NUMB: variants seen among roughly 807,000 people sequenced by gnomAD.
NUMB encodes protein numb homolog.
Under a neutral mutation model 59.7 loss-of-function variants are expected in NUMB, and 29 were observed. The observed-to-expected ratio is 0.49, with a 90% CI of 0.36 to 0.66. NUMB has a LOEUF of 0.66. Ranked by LOEUF, NUMB falls within the 30% of genes least tolerant of loss-of-function variation. The pLI, the probability that NUMB is intolerant of heterozygous loss-of-function variation, is 0.00. For synonymous variants in NUMB, 288 were observed against 288.2 expected, an observed-to-expected ratio of 1.00 and a Z score of 0.01; for missense variants, 723 against 822.0, an observed-to-expected ratio of 0.88 and a Z score of 1.47.
chr14:73,390,197 T>C (rs920608926), intron 2 of NUMB, among the ~76,000 whole-genome samples: 7 of 152,176 alleles, frequency 4.6e-5, no homozygotes, highest in African/African-American at 1.7e-4. Context: ...AGCTTAATTA[T>C]CAAAAAATGG....
chr14:73,302,654 C>T (rs112575160), intron 6 of NUMB, among the ~76,000 whole-genome samples: 6 of 151,698 alleles, frequency 4.0e-5, no homozygotes, highest in Non-Finnish European at 5.9e-5. Flanking sequence ...TCAGGTGATC[C>T]GCCCACTTTA....
chr14:73,428,547 G>T (rs766723075), intron 1 of NUMB, among the ~76,000 whole-genome samples: 3 of 152,090 alleles, frequency 2.0e-5, no homozygotes, highest in Non-Finnish European at 2.9e-5. Context: ...TAATCCCAGC[G>T]CTTTAGAAGG....
intron 2 of NUMB, among the ~76,000 whole-genome samples, chr14:73,401,731 A>G (rs1896428417): frequency 6.6e-6 from 1 of 151,536 alleles, no homozygotes; most frequent in African/African-American, 2.4e-5. Flanking sequence ...CACCACGCCC[A>G]GCTAATTTTC....
chr14:73,448,203 A>G (rs1376809879), intron 1 of NUMB, among the ~76,000 whole-genome samples: 1 of 152,212 alleles, frequency 6.6e-6, no homozygotes, highest in Non-Finnish European at 1.5e-5. Context: ...CCAATGCTAG[A>G]TAATTTTCAA....
intron 4 of NUMB, among the ~76,000 whole-genome samples, chr14:73,324,691 T>G (rs1297971361): frequency 6.6e-6 from 1 of 152,074 alleles, no homozygotes; most frequent in East Asian, 1.9e-4. Flanking sequence ...CTACACCCTG[T>G]CCTTCCCACT....
In NUMB at chr14:73,370,125, TG is replaced by T. The variant is rs151110731; in HGVS notation, c.-100-3145del. Reference sequence around the variant, plus strand: ...AATCTAATTGTTATTGTAATGGTAGTGGGGGGGGTGGGACCATTAAGAGATA... The same window carrying T: ...AATCTAATTGTTATTGTAATGGTAGTGGGGGGGTGGGACCATTAAGAGATA... On this transcript the variant is annotated intron_variant, in intron 2 of 12. Transcript: ENST00000555238. Among the ~76,000 whole-genome samples the T allele has an allele frequency of 3.9e-4, 58 of 150,562 alleles. 1 individual carries two copies. The highest frequency in any genetic ancestry group is 1.3e-3 in the African/African-American group (55 of 40,970).
At chr14:73,405,788 G>GT (rs75689542) in intron 2 of NUMB, among the ~76,000 whole-genome samples, 35,678 of 151,662 alleles carry the variant, frequency 0.24, 5,115 homozygotes, top group East Asian at 0.68. Context: ...GTTGTTTTGG[G>GT]TTTTTTTTCT....
chr14:73,312,508 G>A (rs913493002), intron 6 of NUMB, among the ~76,000 whole-genome samples: 3 of 150,814 alleles, frequency 2.0e-5, no homozygotes, highest in Non-Finnish European at 4.4e-5. Context: ...GACCTCAGGT[G>A]TTTGAGACCA....
At chr14:73,307,368 GT>G (rs1385985880) in intron 6 of NUMB, among the ~76,000 whole-genome samples, 4 of 151,872 alleles carry the variant, frequency 2.6e-5, no homozygotes, top group African/African-American at 7.3e-5. Flanking sequence ...GGGGAGAGTG[GT>G]GTTTGGATTT....
chr14:73,284,257 G>A lies in NUMB; in HGVS notation c.773C>T (p.Pro258Leu), dbSNP rs1346754999. 4 of 1,614,058 alleles carry A rather than the reference G, an allele frequency of 2.5e-6. No individual in the cohort carries two copies. The Admixed American group carries it at 5.0e-5, about 20-fold the overall frequency. ...AGCATGCCGGCGTGGGATGGCATGAGGATTGTTCATCTCCAGAGAGGTCGT... is the reference window on the plus strand; with the variant it reads ...AGCATGCCGGCGTGGGATGGCATGAAGATTGTTCATCTCCAGAGAGGTCGT... ...DATTSLEMNN[P>L]HAIPRRHAPI... Residue 258 changes from proline (P) to leucine (L), a missense_variant, in exon 10 of 13, where the codon CCT (proline) becomes CTT (leucine). Coordinates refer to ENST00000555238, the MANE Select transcript of NUMB (RefSeq NM_001005743.2).
At chr14:73,411,732 ATTAAAG>A (rs1207760281) in intron 1 of NUMB, among the ~76,000 whole-genome samples, 1 of 152,184 alleles carries the variant, frequency 6.6e-6, no homozygotes, top group African/African-American at 2.4e-5. Context: ...TTTTACAGAA[ATTAAAG>A]TTATAGTAGC....
intron 11 of NUMB, among the ~76,000 whole-genome samples, chr14:73,279,938 C>T (rs1225205921): frequency 2.0e-5 from 3 of 152,220 alleles, no homozygotes; most frequent in East Asian, 1.9e-4. Flanking sequence ...GGGTGGATCA[C>T]CTGAGGTCAG....
intron 1 of NUMB, among the ~76,000 whole-genome samples, chr14:73,452,300 C>T (rs138979762): frequency 3.3e-5 from 5 of 152,210 alleles, no homozygotes; most frequent in African/African-American, 7.2e-5. Context: ...GTGGAGGTTG[C>T]GGTGAGCTAA....
intron 4 of NUMB, among the ~76,000 whole-genome samples, chr14:73,338,200 T>C (rs1055259837): frequency 2.6e-5 from 4 of 151,402 alleles, no homozygotes; most frequent in African/African-American, 9.7e-5. Flanking sequence ...GGCAAGAAGA[T>C]CACTTGAGCT....
chr14:73,417,645 T>C (rs745634919), intron 1 of NUMB, among the ~76,000 whole-genome samples: 1 of 152,008 alleles, frequency 6.6e-6, no homozygotes, highest in South Asian at 2.1e-4. Flanking sequence ...AAATTAAACA[T>C]AGAATCACTA....
At position 73,352,538 on chromosome 14, in the gene NUMB, T is replaced by G. The variant is rs1342827833; in HGVS notation, c.126+3088A>C. Among the ~76,000 whole-genome samples the G allele has an allele frequency of 4.1e-4, 32 of 77,278 alleles. 1 individual carries two copies. The highest frequency in any genetic ancestry group is 9.3e-4 in the South Asian group (2 of 2,148). 50.7% of individuals were successfully genotyped at this position (77,278 alleles called of 152,430 possible). A position where few individuals can be genotyped will look rare whatever the true frequency, so the allele number is the denominator to read the frequency against. ...TATATATATATATATATGTTTTTTT[T>G]TTTTTTTTTTTTTTGAGACAGAGTC... On this transcript the variant is annotated intron_variant, in intron 4 of 12. Coordinates refer to ENST00000555238, the MANE Select transcript of NUMB (RefSeq NM_001005743.2).
chr14:73,388,135 C>G (rs1340259459), intron 2 of NUMB, among the ~76,000 whole-genome samples: 1 of 152,034 alleles, frequency 6.6e-6, no homozygotes, highest in Non-Finnish European at 1.5e-5. Flanking sequence ...ACTTCAGTTC[C>G]TCAAACTAGC....
chr14:73,452,685 A>G (rs1884070805), intron 1 of NUMB, among the ~76,000 whole-genome samples: 1 of 152,152 alleles, frequency 6.6e-6, no homozygotes, highest in African/African-American at 2.4e-5. Context: ...TCCACTGGAG[A>G]GGACAAGTGG....
At chr14:73,313,023 A>G (rs1235965896) in intron 6 of NUMB, among the ~76,000 whole-genome samples, 2 of 148,720 alleles carry the variant, frequency 1.3e-5, no homozygotes, top group Non-Finnish European at 3.0e-5. Context: ...GTCTTGCTCT[A>G]TAGTCCAGGC....
Sources: allele counts gnomAD v4.1 joint callset (sites outside exome capture counted in the v4.1 genomes callset), GRCh38; gene constraint gnomAD v4.1.1; transcripts MANE v1.5; gene names NCBI Gene and HGNC (gene_info 2026-07-23, HGNC 2026-07-21).